Variants in ASH1L observed in about 807,000 individuals in gnomAD.
ASH1L encodes the protein ASH1 like histone lysine methyltransferase.
A neutral mutation model predicts 269.0 loss-of-function variants in ASH1L; 23 were observed. That is an observed-to-expected ratio of 0.09 (90% CI 0.06 to 0.12). The LOEUF (loss-of-function observed/expected upper bound fraction) is 0.12. ASH1L is among the 10% of genes least tolerant of loss of function. ASH1L has a pLI of 1.00. For missense variants in ASH1L, 2,912 were observed against 3,567.8 expected, an observed-to-expected ratio of 0.82 and a Z score of 4.68; for synonymous variants, 1,187 against 1,253.5, an observed-to-expected ratio of 0.95 and a Z score of 1.12.
chr1:155,404,056 C>CAA (rs1265354613), intron 6 of ASH1L, among the ~76,000 whole-genome samples: 41 of 69,676 alleles, frequency 5.9e-4, no homozygotes, highest in Non-Finnish European at 1.0e-3. Context: ...AACTCCGTCT[C>CAA]AAAAAAAAAA....
intron 2 of ASH1L, among the ~76,000 whole-genome samples, chr1:155,501,755 C>T (rs968114739): frequency 1.2e-4 from 19 of 152,150 alleles, no homozygotes; most frequent in African/African-American, 3.4e-4. Flanking sequence ...CTCCACCTCC[C>T]GGGTTCAAGC....
At position 155,349,415 on chromosome 1, in the gene ASH1L, A is replaced by AT; in HGVS notation, c.7465dup (p.Ile2489AsnfsTer13). On this transcript the variant is annotated frameshift_variant, in exon 19 of 28. Coordinates refer to ENST00000392403, the MANE Select transcript of ASH1L (RefSeq NM_018489.3). LOFTEE classifies it high-confidence loss of function. ...AGTGAGGATCTGCTTCTCTATGGTG[A>AT]TAAGATCTAGGGGATCAGAGATCTT... is the stretch of plus-strand genomic sequence containing the variant. 6.2e-7 allele frequency: 1 copy of AT among 1,614,212 alleles called. No homozygotes were observed. Among genetic ancestry groups the AT allele is most frequent in the Non-Finnish European group, 8.5e-7 (1 of 1,180,026 alleles).
At chr1:155,371,666 A>C (rs559601042) in intron 10 of ASH1L, among the ~76,000 whole-genome samples, 3 of 152,144 alleles carry the variant, frequency 2.0e-5, no homozygotes, top group Non-Finnish European at 4.4e-5. Context: ...CTGATTTAAA[A>C]AAAAATTGTG....
At chr1:155,460,339 GT>G (rs1278526010) in intron 3 of ASH1L, among the ~76,000 whole-genome samples, 1 of 152,198 alleles carries the variant, frequency 6.6e-6, no homozygotes, top group Non-Finnish European at 1.5e-5. Flanking sequence ...GCCCAGCGCA[GT>G]GGCTCACGCC....
rs779518727 is a variant in ASH1L at position 155,438,394 on chromosome 1, A to G, written c.5761T>C (p.Leu1921=). ...KKGLKRKGWL[L]EEQTRKKQKP... ...TGCTTTTTTCTGGTCTGTTCTTCCAATAGCCAACCTTTTCTCTTCAACCCC... is the reference window on the plus strand; with the variant it reads ...TGCTTTTTTCTGGTCTGTTCTTCCAGTAGCCAACCTTTTCTCTTCAACCCC... Residue 1921 remains leucine (L), a synonymous_variant, in exon 5 of 28, where the codon TTG becomes CTG. Coordinates refer to ENST00000392403, the MANE Select transcript of ASH1L (RefSeq NM_018489.3). 4 of 1,608,698 alleles carry G rather than the reference A, an allele frequency of 2.5e-6. No homozygotes were observed. The highest frequency in any genetic ancestry group is 1.1e-5 in the South Asian group (1 of 89,822).
At chr1:155,475,206 G>A (rs1333506780) in intron 3 of ASH1L, among the ~76,000 whole-genome samples, 2 of 151,818 alleles carry the variant, frequency 1.3e-5, no homozygotes, top group African/African-American at 4.8e-5. Context: ...GCGTGATCTG[G>A]GCTCACTGCA....
At chr1:155,441,384 T>C (rs929091570) in intron 4 of ASH1L, among the ~76,000 whole-genome samples, 1 of 142,058 alleles carries the variant, frequency 7.0e-6, no homozygotes, top group East Asian at 2.3e-4. Flanking sequence ...GTTGGCATAC[T>C]GGCCAACAGA....
At chr1:155,357,119 A>ACACACACACAC (rs1558027201) in intron 15 of ASH1L, among the ~76,000 whole-genome samples, 197 bp downstream of exon 15, 3 of 109,336 alleles carry the variant, frequency 2.7e-5, no homozygotes, top group Admixed American at 1.1e-4. Flanking sequence ...ACACACACAC[A>ACACACACACAC]AAAGGGTAAG....
chr1:155,480,590 A>G lies in ASH1L; in HGVS notation c.2280T>C (p.Phe760=). The change falls in exon 3 of 28, where the codon TTT becomes TTC. Residue 760 remains phenylalanine (F), a synonymous_variant. Transcript: ENST00000392403. ...ATGAAGGGGGTCCAATGTTTTTCAT[A>G]AACTTGGCTGGCTCAGAATTACTAT... ...LSNSNSEPAK[F]MKNIGPPSFV... is the part of the protein sequence containing the mutation. 1 of 1,614,142 alleles carries G rather than the reference A, an allele frequency of 6.2e-7. No homozygotes were observed.
intron 12 of ASH1L, among the ~76,000 whole-genome samples, chr1:155,363,816 T>C (rs1447223941): frequency 6.9e-6 from 1 of 145,174 alleles, no homozygotes; most frequent in Non-Finnish European, 1.5e-5. Context: ...CTACTAAAAA[T>C]ATAAAAATTA....
intron 7 of ASH1L, 106 bp downstream of exon 7, chr1:155,395,353 T>C: frequency 2.5e-6 from 2 of 796,118 alleles, no homozygotes; most frequent in Non-Finnish European, 3.8e-6. Context: ...AAGAGCTTGA[T>C]CCCACTGGAG....
chr1:155,489,523 C>T (rs935384059), intron 2 of ASH1L, among the ~76,000 whole-genome samples: 1 of 150,574 alleles, frequency 6.6e-6, no homozygotes, highest in African/African-American at 2.4e-5. Context: ...GTAATCCCAG[C>T]ACTTTGTGAG....
At chr1:155,553,417 G>A (rs1315342659) in intron 1 of ASH1L, among the ~76,000 whole-genome samples, 4 of 152,084 alleles carry the variant, frequency 2.6e-5, no homozygotes, top group Non-Finnish European at 5.9e-5. Context: ...ATCTTTATTT[G>A]ATAGAAGATA....
rs1488566946 is a variant in ASH1L, at chr1:155,378,321, C to T, written c.6292G>A (p.Asp2098Asn). The change falls in exon 10 of 28, where the codon GAT (aspartate) becomes AAT (asparagine). Residue 2098 changes from aspartate (D) to asparagine (N), a missense_variant. Around this residue, in one of 13 missense-constraint regions of ASH1L, gnomAD observed 193 missense variants for 311.6 expected, o/e 0.62. Coordinates refer to ENST00000392403, the MANE Select transcript of ASH1L (RefSeq NM_018489.3). ...ATTCNCKKPD[D>N]DTRKGCVDDC... ...TCAACACAGCCCTTCCTGGTGTCAT[C>T]ATCTGGCTTCTTACAGTTACAGGTG... 6.2e-7 allele frequency: 1 copy of T among 1,614,182 alleles called. No homozygotes were observed. Among genetic ancestry groups the T allele is most frequent in the Non-Finnish European group, 8.5e-7 (1 of 1,180,026 alleles).
intron 1 of ASH1L, among the ~76,000 whole-genome samples, chr1:155,544,356 G>A (rs1038535232): frequency 1.3e-5 from 2 of 150,504 alleles, no homozygotes; most frequent in South Asian, 2.1e-4. Context: ...GCAAGATCTC[G>A]GCTCACTGCA....
chr1:155,400,329 C>CA (rs746649436), intron 6 of ASH1L, among the ~76,000 whole-genome samples: 2,327 of 104,856 alleles, frequency 0.022, 24 homozygotes, highest in African/African-American at 0.039. Flanking sequence ...GAGACTGTCT[C>CA]AAAAAAAAAA....
At chr1:155,441,459 T>C (rs1183641781) in intron 4 of ASH1L, among the ~76,000 whole-genome samples, 2 of 119,606 alleles carry the variant, frequency 1.7e-5, no homozygotes, top group Non-Finnish European at 3.7e-5. Context: ...GAATCCTTTT[T>C]TTTTTTTTTT....
At chr1:155,520,866 A>AAAAT (rs1558187854) in intron 2 of ASH1L, among the ~76,000 whole-genome samples, 1 of 152,218 alleles carries the variant, frequency 6.6e-6, no homozygotes, top group African/African-American at 2.4e-5. Flanking sequence ...TAATCTCAAA[A>AAAAT]AAATAAATAA....
At chr1:155,415,174 G>A (rs1468218574) in intron 6 of ASH1L, among the ~76,000 whole-genome samples, 7 of 151,992 alleles carry the variant, frequency 4.6e-5, no homozygotes, top group Non-Finnish European at 7.4e-5. Context: ...ACGAGGTCAG[G>A]AGATCTAGAC....
Sources: gnomAD v4.1 joint callset for allele counts (sites outside exome capture counted in the v4.1 genomes callset) on GRCh38, gnomAD v4.1.1 for gene constraint, gnomAD v4.1.1 regional missense constraint, MANE v1.5 for transcripts, NCBI Gene and HGNC (gene_info 2026-07-23, HGNC 2026-07-21) for gene names.